The following PPP4R4 variants were observed in gnomAD, a reference collection of about 807,000 sequenced individuals.
PPP4R4 encodes serine/threonine-protein phosphatase 4 regulatory subunit 4.
PPP4R4 carries 70 observed loss-of-function variants against 121.8 expected under a neutral mutation model. That is an observed-to-expected ratio of 0.57 (90% confidence interval 0.47 to 0.70). The LOEUF is 0.70. PPP4R4 is among the 30% of genes least tolerant of loss of function. The pLI is 0.00. For synonymous variants in PPP4R4, 348 were observed against 355.7 expected (o/e 0.98, Z 0.24); for missense variants, 875 against 1,033.6 (o/e 0.85, Z 2.10).
chr14:94,218,744 G>GCACA (rs144373430), intron 3 of PPP4R4, among the ~76,000 whole-genome samples: 39 of 110,252 alleles, frequency 3.5e-4, no homozygotes, highest in African/African-American at 1.3e-3. Flanking sequence ...GTGCGCGCGC[G>GCACA]CACACACACA....
intron 2 of PPP4R4, among the ~76,000 whole-genome samples, chr14:94,184,377 A>C (rs540119246): frequency 2.6e-5 from 4 of 151,352 alleles, no homozygotes; most frequent in Admixed American, 6.6e-5. Context: ...TCCTGCCTCA[A>C]CCTCCTGAGT....
chr14:94,194,187 CATTT>C (rs1484713759), intron 2 of PPP4R4, among the ~76,000 whole-genome samples: 1 of 152,116 alleles, frequency 6.6e-6, no homozygotes, highest in Non-Finnish European at 1.5e-5. Context: ...GTCCTAAATT[CATTT>C]ATTTAACTAG....
chr14:94,256,030 A>G (rs568209005), intron 16 of PPP4R4, among the ~76,000 whole-genome samples: 2 of 152,312 alleles, frequency 1.3e-5, no homozygotes, highest in Admixed American at 1.3e-4. Flanking sequence ...CACATAGCTC[A>G]TTCCCTAATT....
chr14:94,235,388 CTTTTTTTTTTT>C lies in PPP4R4; in HGVS notation c.731+738_731+748del, dbSNP rs34881107. Among the ~76,000 whole-genome samples the C allele has an allele frequency of 1.8e-3, 89 of 50,814 alleles. 1 individual carries two copies. Among genetic ancestry groups the C allele is most frequent in the African/African-American group, 6.1e-3 (66 of 10,880 alleles). The allele number at this position is 50,814 out of a possible 152,430, so 33.3% of individuals were successfully genotyped here. ...TGTTTGTTTTGTTGCTCTCCTTGTTCTTTTTTTTTTTTTTTTTTTTTTTTTTTTTGAGAGGG... is the reference window on the plus strand; with the variant it reads ...TGTTTGTTTTGTTGCTCTCCTTGTTCTTTTTTTTTTTTTTTTTTGAGAGGG... On this transcript the variant is annotated intron_variant, in intron 7 of 24. Coordinates refer to ENST00000304338, the MANE Select transcript of PPP4R4 (RefSeq NM_058237.2).
intron 2 of PPP4R4, among the ~76,000 whole-genome samples, chr14:94,203,402 A>G (rs1890296076): frequency 6.6e-6 from 1 of 152,154 alleles, no homozygotes; most frequent in South Asian, 2.1e-4. Context: ...ATTGCTGAGT[A>G]GCATTCCACA....
At chr14:94,192,488 A>G (rs1247573208) in intron 2 of PPP4R4, among the ~76,000 whole-genome samples, 1 of 152,204 alleles carries the variant, frequency 6.6e-6, no homozygotes, top group African/African-American at 2.4e-5. Flanking sequence ...GAAATAATTA[A>G]CTATCAACTA....
At chr14:94,244,555 A>G in intron 11 of PPP4R4, 80 bp from the exon 12 acceptor site, 1 of 1,096,732 alleles carries the variant, frequency 9.1e-7, no homozygotes, top group African/African-American at 1.7e-5. Flanking sequence ...TATAACAAGG[A>G]TGTATTTTTA....
At chr14:94,231,362 G>GT (rs758615941) in intron 5 of PPP4R4, 47 bp downstream of exon 5, 1,294 of 1,451,578 alleles carry the variant, frequency 8.9e-4, no homozygotes, top group South Asian at 1.7e-3. Context: ...TCACTCTAAG[G>GT]TTTTTTTTTA....
Position 94,258,839 on chromosome 14 carries a change from T to G in PPP4R4, c.2052+15T>G, listed in dbSNP as rs1893617363. 3 of 1,576,634 alleles carry G rather than the reference T, an allele frequency of 1.9e-6. No homozygotes were observed. The highest frequency in any genetic ancestry group is 2.6e-6 in the Non-Finnish European group (3 of 1,147,716). On this transcript the variant is annotated intron_variant, in intron 18 of 24. Coordinates refer to ENST00000304338, the MANE Select transcript of PPP4R4 (RefSeq NM_058237.2). ...CTATGGATGCTGTAAGTATACTCTC[T>G]TTACCTTATTGTGTTGGTCCATTTT...
At position 94,218,766 on chromosome 14, in the gene PPP4R4, AC is replaced by A. The variant is rs541622020; in HGVS notation, c.294+10204del. ...CGCGCACACACACACACACACCCTC[AC>A]CCCTAGATACCTCATAAACTGCTGA... On this transcript the variant is annotated intron_variant, in intron 3 of 24. Coordinates refer to ENST00000304338, the MANE Select transcript of PPP4R4 (RefSeq NM_058237.2). 2.4e-3 allele frequency among the ~76,000 whole-genome samples: 355 copies of A among 150,514 alleles called. 7 individuals are homozygous for A. The highest frequency in any genetic ancestry group is 7.9e-3 in the African/African-American group (317 of 40,166).
intron 13 of PPP4R4, among the ~76,000 whole-genome samples, chr14:94,245,922 A>G (rs544948612): frequency 6.6e-6 from 1 of 152,112 alleles, no homozygotes; most frequent in Non-Finnish European, 1.5e-5. Context: ...TTCATTTTTC[A>G]TTAGCATTAA....
chr14:94,221,138 T>C (rs894471459), intron 3 of PPP4R4, among the ~76,000 whole-genome samples: 4 of 152,164 alleles, frequency 2.6e-5, no homozygotes, highest in Admixed American at 2.0e-4. Flanking sequence ...CAATTCATTA[T>C]AGAGAGGATA....
At chr14:94,189,398 G>T (rs922673368) in intron 2 of PPP4R4, among the ~76,000 whole-genome samples, 2 of 152,104 alleles carry the variant, frequency 1.3e-5, no homozygotes, top group African/African-American at 2.4e-5. Flanking sequence ...GATTGATTTT[G>T]GATTGACTGA....
intron 9 of PPP4R4, 102 bp from the exon 10 acceptor site, chr14:94,241,686 T>G: frequency 1.2e-6 from 1 of 833,250 alleles, no homozygotes; most frequent in Middle Eastern, 3.6e-4. Flanking sequence ...ACCATTTATT[T>G]AAGTATTTGG....
intron 19 of PPP4R4, among the ~76,000 whole-genome samples, chr14:94,264,349 A>G (rs1039735345): frequency 1.3e-5 from 2 of 151,970 alleles, no homozygotes. Context: ...ATGGGGTTTC[A>G]TCATGTTGGC....
intron 2 of PPP4R4, among the ~76,000 whole-genome samples, chr14:94,187,567 T>C (rs1409959017): frequency 1.3e-5 from 2 of 152,090 alleles, no homozygotes; most frequent in Non-Finnish European, 2.9e-5. Flanking sequence ...AATTCAGAAA[T>C]TAACATTGAT....
intron 10 of PPP4R4, 90 bp downstream of exon 10, chr14:94,242,047 A>T: frequency 7.6e-7 from 1 of 1,309,364 alleles, no homozygotes; most frequent in Admixed American, 2.4e-5. Context: ...GCCATTTTTG[A>T]CACTTGCTGC....
intron 18 of PPP4R4, 42 bp downstream of exon 18, chr14:94,258,866 ATGC>A: frequency 6.6e-7 from 1 of 1,517,540 alleles, no homozygotes; most frequent in Non-Finnish European, 9.1e-7. Context: ...GTCCATTTTC[ATGC>A]TGCTGAAAAA....
chr14:94,255,038 C>G (rs1002313860), intron 16 of PPP4R4, among the ~76,000 whole-genome samples: 5 of 152,200 alleles, frequency 3.3e-5, no homozygotes, highest in African/African-American at 7.2e-5. Context: ...ATTCCTCACT[C>G]TATCTCCAGC....
Sources: gnomAD v4.1 joint callset for allele counts (sites outside exome capture counted in the v4.1 genomes callset) on GRCh38, gnomAD v4.1.1 for gene constraint, MANE v1.5 for transcripts, NCBI Gene and HGNC (gene_info 2026-07-23, HGNC 2026-07-21) for gene names.